RGS22: variants seen among roughly 807,000 people sequenced by gnomAD.
RGS22 encodes regulator of G protein signaling 22.
A neutral mutation model predicts 172.9 loss-of-function variants in RGS22; 148 were observed. The observed-to-expected ratio is 0.86, with a 90% confidence interval of 0.75 to 0.98. The LOEUF is 0.98. RGS22 is among the 50% of genes least tolerant of loss of function. The pLI is 0.00. For synonymous variants in RGS22, 458 were observed against 480.2 expected (o/e 0.95, Z 0.60); for missense variants, 1,347 against 1,440.8 (o/e 0.93, Z 1.05).
intron 9 of RGS22, among the ~76,000 whole-genome samples, chr8:100,062,007 T>C (rs1810175258): frequency 6.6e-6 from 1 of 152,194 alleles, no homozygotes; most frequent in South Asian, 2.1e-4. Flanking sequence ...GGAATATGGA[T>C]GGAACTGGAG....
chr8:99,981,827 G>T, intron 22 of RGS22, 110 bp downstream of exon 22: 1 of 908,030 alleles, frequency 1.1e-6, no homozygotes. Context: ...CTCCCAAAGT[G>T]CTGGGATTAC....
rs1389274198 is a variant in RGS22 at position 100,105,932 on chromosome 8, C to T, written c.-11G>A. The T allele has an allele frequency of 1.4e-6, 2 of 1,481,056 alleles. No homozygotes were observed. Among genetic ancestry groups the T allele is most frequent in the Non-Finnish European group, 1.8e-6 (2 of 1,118,744 alleles). 91.7% of individuals were successfully genotyped at this position (1,481,056 alleles called of 1,614,324 possible). ...CCTCTTCTCGGGCATGCCGTCCCCG[C>T]TGCCCGCGCCTGGAGCCCGCGCGGG... is the stretch of plus-strand genomic sequence containing the variant. On this transcript the variant is annotated 5_prime_UTR_variant, in exon 1 of 28. Transcript: ENST00000360863.
At chr8:99,979,126 C>CA (rs750956896) in intron 22 of RGS22, among the ~76,000 whole-genome samples, 34 of 152,232 alleles carry the variant, frequency 2.2e-4, no homozygotes, top group Non-Finnish European at 4.4e-4. Flanking sequence ...TTTTCATTTA[C>CA]ATTTACCTGC....
chr8:100,012,124 A>G (rs1205198342), intron 14 of RGS22, among the ~76,000 whole-genome samples: 1 of 151,862 alleles, frequency 6.6e-6, no homozygotes, highest in Non-Finnish European at 1.5e-5. Context: ...TAAAGACATT[A>G]AAGCAACCAA....
intron 14 of RGS22, among the ~76,000 whole-genome samples, chr8:100,032,941 C>A (rs994835325): frequency 6.6e-6 from 1 of 152,146 alleles, no homozygotes; most frequent in Admixed American, 6.5e-5. Flanking sequence ...GAAATGAAGG[C>A]AGAAATAAAG....
At chr8:100,016,978 CTTTTTTTTTTTTTTT>C (rs71274949) in intron 14 of RGS22, among the ~76,000 whole-genome samples, 468 of 36,130 alleles carry the variant, frequency 0.013, 4 homozygotes, top group Middle Eastern at 0.071. Flanking sequence ...CCTTACCAGT[CTTTTTTTTTTTTTTT>C]TTTTTTTTTT....
intron 14 of RGS22, among the ~76,000 whole-genome samples, chr8:100,035,220 C>T (rs28884287): frequency 0.19 from 28,986 of 151,850 alleles, 2,961 homozygotes; most frequent in African/African-American, 0.26. Context: ...TGACAAAGGG[C>T]TAATATCCAG....
intron 7 of RGS22, among the ~76,000 whole-genome samples, chr8:100,065,012 A>G (rs1810438700): frequency 6.6e-6 from 1 of 152,214 alleles, no homozygotes; most frequent in Non-Finnish European, 1.5e-5. Flanking sequence ...TTCAAAAATC[A>G]GTGACATGTC....
intron 11 of RGS22, among the ~76,000 whole-genome samples, chr8:100,043,606 T>C (rs1586097234): frequency 6.6e-6 from 1 of 152,020 alleles, no homozygotes; most frequent in East Asian, 1.9e-4. Flanking sequence ...TGAAACCCCG[T>C]CTCTACTAAA....
At chr8:99,994,422 G>A (rs1405857713) in intron 20 of RGS22, among the ~76,000 whole-genome samples, 1 of 152,092 alleles carries the variant, frequency 6.6e-6, no homozygotes, top group African/African-American at 2.4e-5. Context: ...CAAAGTCTCA[G>A]GACACAAAAT....
intron 14 of RGS22, among the ~76,000 whole-genome samples, chr8:100,017,438 G>T (rs1470543290): frequency 6.6e-6 from 1 of 152,128 alleles, no homozygotes; most frequent in Non-Finnish European, 1.5e-5. Context: ...GACACAGGTG[G>T]TTAAGAGAGT....
At chr8:100,019,733 G>T (rs576666975) in intron 14 of RGS22, among the ~76,000 whole-genome samples, 1 of 151,258 alleles carries the variant, frequency 6.6e-6, no homozygotes, top group Non-Finnish European at 1.5e-5. Context: ...CCCATTACTC[G>T]ACTAAAAAGT....
intron 15 of RGS22, among the ~76,000 whole-genome samples, chr8:100,007,209 GAAGTTGTT>G (rs1382180469): frequency 6.6e-6 from 1 of 152,200 alleles, no homozygotes; most frequent in African/African-American, 2.4e-5. Flanking sequence ...GACGATCTAA[GAAGTTGTT>G]GAGGAGATGT....
At chr8:100,072,113 TA>T in intron 5 of RGS22, 31 bp downstream of exon 5, 1 of 1,319,746 alleles carries the variant, frequency 7.6e-7, no homozygotes, top group Non-Finnish European at 1.1e-6. Flanking sequence ...TATATGTATT[TA>T]AAAATACATA....
At chr8:100,076,799 CCTGGCCGACAT>C (rs1554634954) in intron 4 of RGS22, among the ~76,000 whole-genome samples, 1 of 151,610 alleles carries the variant, frequency 6.6e-6, no homozygotes, top group Non-Finnish European at 1.5e-5. Flanking sequence ...TCGAGAGCAG[CCTGGCCGACAT>C]GGCAAAACCC....
chr8:100,095,617 C>T (rs886292348), intron 2 of RGS22, among the ~76,000 whole-genome samples: 2 of 152,168 alleles, frequency 1.3e-5, no homozygotes, highest in Non-Finnish European at 2.9e-5. Flanking sequence ...TAAATATACT[C>T]TGTCAAACTG....
At chr8:99,966,844 T>C (rs924958481) in intron 23 of RGS22, among the ~76,000 whole-genome samples, 6 of 152,226 alleles carry the variant, frequency 3.9e-5, no homozygotes, top group Non-Finnish European at 5.9e-5. Flanking sequence ...CATTAAATAA[T>C]AACTCCTTAC....
intron 14 of RGS22, among the ~76,000 whole-genome samples, chr8:100,037,609 C>G (rs995368983): frequency 3.9e-5 from 6 of 152,074 alleles, no homozygotes; most frequent in Non-Finnish European, 8.8e-5. Flanking sequence ...ATAGAATTTC[C>G]TCTTTTACAA....
chr8:100,031,737 A>G (rs1818834778), intron 14 of RGS22, among the ~76,000 whole-genome samples: 1 of 152,194 alleles, frequency 6.6e-6, no homozygotes, highest in African/African-American at 2.4e-5. Flanking sequence ...TACAAAAGAC[A>G]GTAGTCCTCA....
Sources: gnomAD v4.1 joint callset for allele counts (sites outside exome capture counted in the v4.1 genomes callset) on GRCh38, gnomAD v4.1.1 for gene constraint, MANE v1.5 for transcripts, NCBI Gene and HGNC (gene_info 2026-07-23, HGNC 2026-07-21) for gene names.